Variants in C3orf85 observed in about 807,000 individuals in gnomAD.
C3orf85 encodes the protein chromosome 3 open reading frame 85.
A neutral mutation model predicts 1.7 loss-of-function variants in C3orf85; 1 was observed. The ratio of observed to expected loss-of-function variants is 0.60; its 90% CI spans 0.21 to 2.86. The LOEUF (loss-of-function observed/expected upper bound fraction) is 2.86, where lower values mean the gene tolerates loss of function less well. C3orf85 is among the 30% of genes most tolerant of loss of function. The pLI, the probability that C3orf85 is intolerant of heterozygous loss-of-function variation, is 0.22. For synonymous variants in C3orf85, 17 were observed against 8.0 expected (o/e 2.13, Z -1.90); for missense variants, 29 against 21.3 (o/e 1.36, Z -0.72).
intron 2 of C3orf85, among the ~76,000 whole-genome samples, chr3:109,145,342 G>A (rs369690748): frequency 2.0e-5 from 3 of 152,328 alleles, no homozygotes; most frequent in East Asian, 3.9e-4. Flanking sequence ...GAAGAACTTT[G>A]ATGGTATTAT....
chr3:109,149,982 G>T lies in C3orf85; in HGVS notation c.*88G>T, dbSNP rs1012315503. On this transcript the variant is annotated 3_prime_UTR_variant, in exon 4 of 4. Coordinates refer to ENST00000622536, the MANE Select transcript of C3orf85 (RefSeq NM_001351622.2). ...AAACCATGGGTTTTAGAGATCTGAG[G>T]GTATATCCATGCTGTTTACTACATT... The T allele has an allele frequency of 5.1e-6, 2 of 394,734 alleles. No individual in the cohort carries two copies. Among genetic ancestry groups the T allele is most frequent in the African/African-American group, 2.1e-5 (1 of 48,444 alleles). 24.5% of individuals were successfully genotyped at this position (394,734 alleles called of 1,614,324 possible). A position where few individuals can be genotyped will look rare whatever the true frequency, so the allele number is the denominator to read the frequency against.
intron 2 of C3orf85, among the ~76,000 whole-genome samples, chr3:109,144,536 A>C (rs548274323): frequency 6.2e-4 from 95 of 152,320 alleles, no homozygotes; most frequent in African/African-American, 2.3e-3. Flanking sequence ...AGGAGATTGT[A>C]TCGGTAAAAC....
intron 2 of C3orf85, among the ~76,000 whole-genome samples, chr3:109,140,521 A>G (rs561300443): frequency 6.6e-6 from 1 of 152,268 alleles, no homozygotes; most frequent in East Asian, 1.9e-4. Flanking sequence ...TCTCAATGTC[A>G]TTGCTTATGA....
chr3:109,137,430 A>G (rs1706690186), intron 2 of C3orf85, among the ~76,000 whole-genome samples: 1 of 151,844 alleles, frequency 6.6e-6, no homozygotes, highest in Admixed American at 6.6e-5. Flanking sequence ...TTTTGCTTGT[A>G]ACAAAAACTG....
At chr3:109,146,825 A>G (rs959722102) in intron 2 of C3orf85, among the ~76,000 whole-genome samples, 3 of 152,164 alleles carry the variant, frequency 2.0e-5, no homozygotes, top group Non-Finnish European at 4.4e-5. Flanking sequence ...GTACTACTAT[A>G]CAAGAATATG....
intron 2 of C3orf85, among the ~76,000 whole-genome samples, chr3:109,143,705 G>A (rs960146429): frequency 6.6e-6 from 1 of 152,160 alleles, no homozygotes; most frequent in African/African-American, 2.4e-5. Context: ...ATTAGAGCTG[G>A]AAAAGACCTT....
intron 2 of C3orf85, among the ~76,000 whole-genome samples, chr3:109,147,305 A>G (rs765360988): frequency 9.9e-5 from 15 of 152,196 alleles, no homozygotes; most frequent in Non-Finnish European, 1.8e-4. Context: ...AGCCCCATAG[A>G]GGGGAATTTT....
chr3:109,142,360 A>G (rs1054393074), intron 2 of C3orf85, among the ~76,000 whole-genome samples: 1 of 152,158 alleles, frequency 6.6e-6, no homozygotes, highest in African/African-American at 2.4e-5. Context: ...TAAACAATAA[A>G]TATTATTAGG....
chr3:109,143,962 AT>A (rs1706768112), intron 2 of C3orf85, among the ~76,000 whole-genome samples: 1 of 152,238 alleles, frequency 6.6e-6, no homozygotes, highest in African/African-American at 2.4e-5. Context: ...TAGACAAAAC[AT>A]TTACAGATCC....
intron 2 of C3orf85, among the ~76,000 whole-genome samples, chr3:109,140,488 T>C (rs1706733262): frequency 6.6e-6 from 1 of 152,188 alleles, no homozygotes; most frequent in Non-Finnish European, 1.5e-5. Flanking sequence ...GAGGTTCTCC[T>C]GGGACCCCTT....
At chr3:109,140,242 G>A (rs978927397) in intron 2 of C3orf85, among the ~76,000 whole-genome samples, 2 of 152,214 alleles carry the variant, frequency 1.3e-5, no homozygotes, top group Non-Finnish European at 2.9e-5. Context: ...CATGTGACCA[G>A]GAAAGATTAG....
intron 2 of C3orf85, among the ~76,000 whole-genome samples, chr3:109,138,658 A>G (rs1284365242): frequency 1.3e-5 from 2 of 152,186 alleles, no homozygotes; most frequent in Admixed American, 6.5e-5. Context: ...GGTAGGGAGA[A>G]GGTCTCATTT....
At chr3:109,142,751 A>G (rs1238783092) in intron 2 of C3orf85, among the ~76,000 whole-genome samples, 1 of 150,576 alleles carries the variant, frequency 6.6e-6, no homozygotes, top group Non-Finnish European at 1.5e-5. Flanking sequence ...TGAGCAACAG[A>G]CTATTGGGTT....
chr3:109,139,956 A>C (rs775814613), intron 2 of C3orf85, among the ~76,000 whole-genome samples: 15 of 151,968 alleles, frequency 9.9e-5, no homozygotes, highest in Non-Finnish European at 2.1e-4. Context: ...CTAACACACA[A>C]CCCTGTCAGC....
At position 109,148,162 on chromosome 3, in the gene C3orf85, C is replaced by A. The variant is rs114952680; in HGVS notation, c.50-91C>A. 2.2e-3 allele frequency: 1,337 copies of A among 619,610 alleles called. 18 individuals are homozygous for A. In the African/African-American group the frequency reaches 0.022, roughly 10 times the overall value. 38.4% of individuals were successfully genotyped at this position (619,610 alleles called of 1,614,324 possible). ...TTTCCTCCTCAGGCCCCCAGCCTACCAAAGATCACAGCTGGGTCTCTTGAA... is the reference window on the plus strand; with the variant it reads ...TTTCCTCCTCAGGCCCCCAGCCTACAAAAGATCACAGCTGGGTCTCTTGAA... On this transcript the variant is annotated intron_variant, in intron 2 of 3. Transcript: ENST00000622536.
intron 2 of C3orf85, among the ~76,000 whole-genome samples, chr3:109,144,036 G>A (rs1475603585): frequency 1.3e-5 from 2 of 152,172 alleles, no homozygotes; most frequent in Non-Finnish European, 2.9e-5. Flanking sequence ...TAAATAAAGA[G>A]AGAAGGATAT....
chr3:109,145,485 C>A (rs373685178), intron 2 of C3orf85, among the ~76,000 whole-genome samples: 1 of 151,904 alleles, frequency 6.6e-6, no homozygotes, highest in African/African-American at 2.4e-5. Flanking sequence ...GGGGTTAATG[C>A]GGAGTTGTTT....
rs2107830801 is a variant in C3orf85 at position 109,136,826 on chromosome 3, T to C, written c.-4-18T>C. Reference sequence around the variant, plus strand: ...AGCTAAATTAAAGTAAATAAATCTTTTTTTTTTCCCAAAATAGGATCATGG... The same window carrying C: ...AGCTAAATTAAAGTAAATAAATCTTCTTTTTTTCCCAAAATAGGATCATGG... On this transcript the variant is annotated intron_variant, in intron 1 of 3. Coordinates refer to ENST00000622536, the MANE Select transcript of C3orf85 (RefSeq NM_001351622.2). The C allele has an allele frequency of 2.4e-6, 1 of 411,328 alleles. No individual in the cohort carries two copies. The highest frequency in any genetic ancestry group is 3.5e-5 in the East Asian group (1 of 28,588). The allele number at this position is 411,328 out of a possible 1,614,324, so 25.5% of individuals were successfully genotyped here.
intron 2 of C3orf85, among the ~76,000 whole-genome samples, chr3:109,141,416 T>C (rs1384229806): frequency 2.6e-5 from 4 of 152,240 alleles, no homozygotes; most frequent in Admixed American, 6.5e-5. Flanking sequence ...ATCTGCCCTG[T>C]GGCTTTTCAC....
Sources: allele counts gnomAD v4.1 joint callset (sites outside exome capture counted in the v4.1 genomes callset), GRCh38; gene constraint gnomAD v4.1.1; transcripts MANE v1.5; gene names NCBI Gene and HGNC (gene_info 2026-07-23, HGNC 2026-07-21).